ERBB4: variants seen among roughly 807,000 people sequenced by gnomAD.
ERBB4 encodes receptor tyrosine-protein kinase erbB-4.
Under a neutral mutation model 158.0 loss-of-function variants are expected in ERBB4, and 42 were observed. The observed-to-expected ratio is 0.27, with a 90% CI of 0.21 to 0.34. The LOEUF is 0.34. Among genes scored for constraint, ERBB4 ranks in the 10% least tolerant of loss-of-function variants. The pLI is 1.00. For synonymous variants in ERBB4, 583 were observed against 558.7 expected (o/e 1.04, Z -0.61); for missense variants, 1,333 against 1,624.1 (o/e 0.82, Z 3.08).
At chr2:211,959,760 A>G (rs2081130982) in intron 2 of ERBB4, among the ~76,000 whole-genome samples, 1 of 152,116 alleles carries the variant, frequency 6.6e-6, no homozygotes, top group South Asian at 2.1e-4. Flanking sequence ...TCATTCATTC[A>G]GCAATCTGTA....
chr2:211,877,744 G>T (rs2078546804), intron 3 of ERBB4, among the ~76,000 whole-genome samples: 1 of 151,870 alleles, frequency 6.6e-6, no homozygotes, highest in Non-Finnish European at 1.5e-5. Context: ...TATTATTTTG[G>T]GTTTAAGAAA....
intron 1 of ERBB4, among the ~76,000 whole-genome samples, chr2:212,439,070 AAAGT>A (rs748334135): frequency 1.1e-4 from 16 of 152,274 alleles, no homozygotes; most frequent in African/African-American, 2.6e-4. Flanking sequence ...ACACTGTTAG[AAAGT>A]AAGTAAGCAC....
At chr2:212,062,457 T>G (rs2077808319) in intron 2 of ERBB4, among the ~76,000 whole-genome samples, 2 of 137,510 alleles carry the variant, frequency 1.5e-5, no homozygotes, top group South Asian at 2.5e-4. Flanking sequence ...CTCACTCTGT[T>G]GCCAGGCTGG....
rs889001367 is a variant in ERBB4 at position 212,037,856 on chromosome 2, T to C, written c.234+86896A>G. On this transcript the variant is annotated intron_variant, in intron 2 of 27. Transcript: ENST00000342788. ...AACATCTAGACCAAACAATAAAGTT[T>C]AGATGGACACCGGGGAATGAGAGCA... Among the ~76,000 whole-genome samples, 5 of 152,312 alleles carry C rather than the reference T, an allele frequency of 3.3e-5. No homozygotes were observed. The South Asian group carries it at 8.3e-4, about 25-fold the overall frequency.
intron 1 of ERBB4, among the ~76,000 whole-genome samples, chr2:212,261,608 A>C (rs1256632862): frequency 6.6e-6 from 1 of 152,156 alleles, no homozygotes; most frequent in Non-Finnish European, 1.5e-5. Context: ...ATAAGAGATA[A>C]AGGCAAAGAC....
chr2:212,182,237 A>G (rs568641395), intron 1 of ERBB4, among the ~76,000 whole-genome samples: 1 of 151,920 alleles, frequency 6.6e-6, no homozygotes, highest in Non-Finnish European at 1.5e-5. Context: ...TGATGATGAA[A>G]TAAGTACAAA....
rs541078813 is a variant in ERBB4, at chr2:212,091,618, TAAAG to T, written c.234+33130_234+33133del. Among the ~76,000 whole-genome samples the T allele has an allele frequency of 2.6e-5, 4 of 152,184 alleles. No individual in the cohort carries two copies. The South Asian group carries it at 8.3e-4, about 32-fold the overall frequency. Reference sequence around the variant, plus strand: ...GACTGATGGAAAGGAACAAAGGGCTTAAAGAAATATTGGACAAAAAATTGGCTAA... The same window carrying T: ...GACTGATGGAAAGGAACAAAGGGCTTAAATATTGGACAAAAAATTGGCTAA... On this transcript the variant is annotated intron_variant, in intron 2 of 27. Transcript: ENST00000342788.
intron 4 of ERBB4, among the ~76,000 whole-genome samples, chr2:211,758,701 C>A (rs1475662444): frequency 6.6e-6 from 1 of 152,224 alleles, no homozygotes; most frequent in African/African-American, 2.4e-5. Context: ...TTACTATGAG[C>A]TTGCCAGAGC....
chr2:211,580,804 ATATATATAATATATATAT>A lies in ERBB4; in HGVS notation c.2302-18734_2302-18717del, dbSNP rs2068052295. Among the ~76,000 whole-genome samples the A allele has an allele frequency of 1.3e-4, 8 of 61,326 alleles. No homozygotes were observed. In the Admixed American group the frequency reaches 2.1e-3, roughly 16 times the overall value. The allele number at this position is 61,326 out of a possible 152,430, so 40.2% of individuals were successfully genotyped here. A position where few individuals can be genotyped will look rare whatever the true frequency, so the allele number is the denominator to read the frequency against. On this transcript the variant is annotated intron_variant, in intron 19 of 27. Coordinates refer to ENST00000342788, the MANE Select transcript of ERBB4 (RefSeq NM_005235.3). ...GAAATTGTGATATATATATATATAT[ATATATATAATATATATAT>A]ATTATATATATAGATTATATATTAT...
intron 1 of ERBB4, among the ~76,000 whole-genome samples, chr2:212,535,988 G>C (rs1693035567): frequency 6.6e-6 from 1 of 152,168 alleles, no homozygotes; most frequent in Admixed American, 6.5e-5. Context: ...CTAATAATGC[G>C]AGAAGCAGAT....
intron 2 of ERBB4, among the ~76,000 whole-genome samples, chr2:212,012,863 G>A (rs1307881267): frequency 1.3e-5 from 2 of 151,858 alleles, no homozygotes; most frequent in African/African-American, 4.8e-5. Flanking sequence ...TCCCACCTCA[G>A]CCTCCCCAGT....
At chr2:212,239,118 G>T (rs2083989007) in intron 1 of ERBB4, among the ~76,000 whole-genome samples, 1 of 152,172 alleles carries the variant, frequency 6.6e-6, no homozygotes, top group South Asian at 2.1e-4. Flanking sequence ...CAGTGATTCA[G>T]TCATAGCTCA....
chr2:211,962,139 A>G (rs963293707), intron 2 of ERBB4, among the ~76,000 whole-genome samples: 1 of 152,070 alleles, frequency 6.6e-6, no homozygotes, highest in Non-Finnish European at 1.5e-5. Context: ...TCATTTTGTG[A>G]AGTTTTCAAT....
rs375190603 is a variant in ERBB4 at position 212,477,449 on chromosome 2, A to G, written c.82+61000T>C. Among the ~76,000 whole-genome samples, 246 of 152,290 alleles carry G rather than the reference A, an allele frequency of 1.6e-3. 2 individuals are homozygous for G. In the Middle Eastern group the frequency reaches 0.017, roughly 11 times the overall value. On this transcript the variant is annotated intron_variant, in intron 1 of 27. Coordinates refer to ENST00000342788, the MANE Select transcript of ERBB4 (RefSeq NM_005235.3). ...TGTGCAGTACACCCTCAGGACCACA[A>G]ACACTTTACATTTATCTGTATTTAT...
intron 1 of ERBB4, among the ~76,000 whole-genome samples, chr2:212,150,614 G>A (rs1388265968): frequency 6.6e-6 from 1 of 152,022 alleles, no homozygotes; most frequent in African/African-American, 2.4e-5. Context: ...AATCCAATGG[G>A]TTAAGAAACA....
rs1337033677 is a variant in ERBB4, at chr2:212,008,149, C to A, written c.235-60533G>T. ...TTTTGCAACTATGCAAATGATAGCA[C>A]TAACTTTAATTGTATTCATTTATCT... On this transcript the variant is annotated intron_variant, in intron 2 of 27. Transcript: ENST00000342788. 2.6e-5 allele frequency among the ~76,000 whole-genome samples: 4 copies of A among 152,016 alleles called. No homozygotes were observed. The East Asian group carries it at 7.7e-4, about 29-fold the overall frequency.
rs143225696 is a variant in ERBB4, at chr2:211,473,116, G to A, written c.2488-42016C>T. ...GGAGAAATGATCCTGCATTATCTAG[G>A]TGGGCTTTAAATACACAAGTATTCT... On this transcript the variant is annotated intron_variant, in intron 20 of 27. Transcript: ENST00000342788. 4.6e-5 allele frequency among the ~76,000 whole-genome samples: 7 copies of A among 151,898 alleles called. No individual in the cohort carries two copies. The East Asian group carries it at 1.2e-3, about 25-fold the overall frequency.
At chr2:211,502,107 AGC>A (rs2065631707) in intron 20 of ERBB4, among the ~76,000 whole-genome samples, 3 of 152,142 alleles carry the variant, frequency 2.0e-5, no homozygotes, top group Admixed American at 2.0e-4. Context: ...TATTACAGCA[AGC>A]AGATTGAATA....
intron 3 of ERBB4, among the ~76,000 whole-genome samples, chr2:211,809,703 G>A (rs563412303): frequency 5.3e-5 from 8 of 152,086 alleles, no homozygotes; most frequent in Admixed American, 1.3e-4. Flanking sequence ...GTTCTGCTCT[G>A]ATCTTAGTTA....
Sources: allele counts gnomAD v4.1 joint callset (sites outside exome capture counted in the v4.1 genomes callset), GRCh38; gene constraint gnomAD v4.1.1; transcripts MANE v1.5; gene names NCBI Gene and HGNC (gene_info 2026-07-23, HGNC 2026-07-21).